Variants in GABRA2 observed in about 807,000 individuals in gnomAD.
The protein encoded by GABRA2 is gamma-aminobutyric acid receptor subunit alpha-2.
In GABRA2, 16 loss-of-function variants were observed where a neutral mutation model predicts 48.7. The observed-to-expected ratio is 0.33, with a 90% CI of 0.22 to 0.50. GABRA2 has a LOEUF of 0.50. Ranked by LOEUF, GABRA2 falls within the 20% of genes least tolerant of loss-of-function variation. GABRA2 has a pLI of 0.98. For missense variants in GABRA2, 275 were observed against 535.6 expected, an observed-to-expected ratio of 0.51 and a Z score of 4.80; for synonymous variants, 185 against 184.5, an observed-to-expected ratio of 1.00 and a Z score of -0.02.
chr4:46,382,892 G>A (rs1298580555), intron 3 of GABRA2, among the ~76,000 whole-genome samples: 1 of 152,096 alleles, frequency 6.6e-6, no homozygotes, highest in African/African-American at 2.4e-5. Flanking sequence ...AATAGCAATT[G>A]AGACTAATTA....
At chr4:46,372,805 G>A (rs911537918) in intron 3 of GABRA2, among the ~76,000 whole-genome samples, 1 of 151,338 alleles carries the variant, frequency 6.6e-6, no homozygotes, top group Non-Finnish European at 1.5e-5. Context: ...TCAGACAGAA[G>A]TATGTAAAGT....
intron 3 of GABRA2, among the ~76,000 whole-genome samples, chr4:46,347,587 T>G (rs1172343962): frequency 6.6e-6 from 1 of 151,912 alleles, no homozygotes; most frequent in Non-Finnish European, 1.5e-5. Context: ...GATACAAGAA[T>G]CCACCCACAA....
intron 3 of GABRA2, among the ~76,000 whole-genome samples, chr4:46,356,550 G>C (rs1736002862): frequency 6.6e-6 from 1 of 151,980 alleles, no homozygotes. Flanking sequence ...GCATAAATAA[G>C]TATGCCTTTG....
At chr4:46,386,652 G>A (rs1717499410) in intron 2 of GABRA2, 1 of 154,092 alleles carries the variant, frequency 6.5e-6, no homozygotes, top group Non-Finnish European at 1.4e-5. Context: ...TCTCTCATAA[G>A]TGTCTTTCTT....
intron 4 of GABRA2, among the ~76,000 whole-genome samples, chr4:46,327,672 A>G (rs1430708452): frequency 1.3e-5 from 2 of 152,030 alleles, no homozygotes; most frequent in African/African-American, 2.4e-5. Context: ...GATATTAACT[A>G]CTGAACTAAT....
At chr4:46,338,356 G>C (rs1335671160) in intron 3 of GABRA2, among the ~76,000 whole-genome samples, 1 of 151,830 alleles carries the variant, frequency 6.6e-6, no homozygotes, top group African/African-American at 2.4e-5. Context: ...ACATGCAATT[G>C]AGCCAGTAAA....
intron 3 of GABRA2, among the ~76,000 whole-genome samples, chr4:46,337,310 A>G (rs1732421556): frequency 6.6e-6 from 1 of 152,116 alleles, no homozygotes; most frequent in Admixed American, 6.6e-5. Context: ...AGAGCAAAGT[A>G]AATATCCGAG....
At chr4:46,278,061 G>A (rs1391289184) in intron 8 of GABRA2, among the ~76,000 whole-genome samples, 1 of 152,058 alleles carries the variant, frequency 6.6e-6, no homozygotes, top group Non-Finnish European at 1.5e-5. Context: ...AAGTAGTTTT[G>A]TATACAAATA....
intron 4 of GABRA2, among the ~76,000 whole-genome samples, chr4:46,319,669 G>A (rs1729124576): frequency 6.6e-6 from 1 of 151,766 alleles, no homozygotes; most frequent in Non-Finnish European, 1.5e-5. Flanking sequence ...TACAGTTGCA[G>A]AACAACATAG....
rs1164662742 is a variant in GABRA2 at position 46,245,548 on chromosome 4, C to A, written c.*4760G>T. On this transcript the variant is annotated 3_prime_UTR_variant, in exon 10 of 10. Coordinates refer to ENST00000381620, the MANE Select transcript of GABRA2 (RefSeq NM_000807.4). Reference sequence around the variant, plus strand: ...AATTAATAAGTTTGTTATGGATTTACTGAAAAATGTGTTCTAGTGTGCAAG... The same window carrying A: ...AATTAATAAGTTTGTTATGGATTTAATGAAAAATGTGTTCTAGTGTGCAAG... Among the ~76,000 whole-genome samples the A allele has an allele frequency of 1.3e-5, 2 of 151,252 alleles. No homozygotes were observed. Among genetic ancestry groups the A allele is most frequent in the Non-Finnish European group, 3.0e-5 (2 of 67,478 alleles).
At chr4:46,370,694 A>C (rs1464607664) in intron 3 of GABRA2, among the ~76,000 whole-genome samples, 1 of 152,100 alleles carries the variant, frequency 6.6e-6, no homozygotes, top group East Asian at 1.9e-4. Context: ...AATTTTGTAC[A>C]AACTTCTAGT....
chr4:46,286,328 T>C (rs2109499282), intron 8 of GABRA2, among the ~76,000 whole-genome samples: 1 of 152,258 alleles, frequency 6.6e-6, no homozygotes, highest in Admixed American at 6.5e-5. Context: ...AAGTATATAC[T>C]ATATTTTGTA....
chr4:46,388,641 A>C lies in GABRA2; in HGVS notation c.66T>G (p.Pro22=). 1 of 1,614,144 alleles carries C rather than the reference A, an allele frequency of 6.2e-7. No individual in the cohort carries two copies. The highest frequency in any genetic ancestry group is 8.5e-7 in the Non-Finnish European group (1 of 1,179,992). Reference sequence around the variant, plus strand: ...AAATACAATAAATATCTCACCTGGCAGGGTCCCACACCAAGAAAACAAAAA... The same window carrying C: ...AAATACAATAAATATCTCACCTGGCCGGGTCCCACACCAAGAAAACAAAAA... ...FLLFVFLVWD[P]ARLVLANIQE... is the part of the protein sequence containing the mutation. The change falls in exon 2 of 10, where the codon CCT becomes CCG. Residue 22 remains proline, a synonymous_variant. Coordinates refer to ENST00000381620, the MANE Select transcript of GABRA2 (RefSeq NM_000807.4).
At chr4:46,280,396 G>T (rs1047190161) in intron 8 of GABRA2, among the ~76,000 whole-genome samples, 10 of 152,138 alleles carry the variant, frequency 6.6e-5, no homozygotes, top group African/African-American at 2.4e-4. Flanking sequence ...ATAAAAGAAG[G>T]CCAGTGTGGA....
rs536753752 is a variant in GABRA2 at position 46,261,872 on chromosome 4, C to T, written c.1059+54G>A. On this transcript the variant is annotated intron_variant, in intron 9 of 9. Transcript: ENST00000381620. ...TTTTTAGAAACATATCTGTTACAAG[C>T]GGAATTCATTAGGGTATTTTCTTAA... is the stretch of plus-strand genomic sequence containing the variant. 4.7e-5 allele frequency: 64 copies of T among 1,371,710 alleles called. No homozygotes were observed. In the South Asian group the frequency reaches 5.2e-4, roughly 11 times the overall value. 85.0% of individuals were successfully genotyped at this position (1,371,710 alleles called of 1,614,324 possible).
chr4:46,317,196 A>C (rs1275751343), intron 4 of GABRA2, among the ~76,000 whole-genome samples: 5 of 151,884 alleles, frequency 3.3e-5, no homozygotes, highest in African/African-American at 1.2e-4. Context: ...AAGTCACATG[A>C]GTCTAATCTC....
chr4:46,348,351 G>T (rs1424032669), intron 3 of GABRA2, among the ~76,000 whole-genome samples: 1 of 152,018 alleles, frequency 6.6e-6, no homozygotes, highest in African/African-American at 2.4e-5. Flanking sequence ...TTCAACCATT[G>T]TGGAAGTCGG....
chr4:46,355,464 T>C (rs1341497448), intron 3 of GABRA2, among the ~76,000 whole-genome samples: 2 of 152,142 alleles, frequency 1.3e-5, no homozygotes, highest in Non-Finnish European at 2.9e-5. Context: ...ATGCTCCATT[T>C]TTTCCCCCAG....
intron 3 of GABRA2, among the ~76,000 whole-genome samples, chr4:46,378,039 G>T (rs1298724537): frequency 1.8e-5 from 2 of 108,306 alleles, no homozygotes. Context: ...GAGGTGGGGG[G>T]TTCAGCCCCC....
Sources: gnomAD v4.1 joint callset for allele counts (sites outside exome capture counted in the v4.1 genomes callset) on GRCh38, gnomAD v4.1.1 for gene constraint, MANE v1.5 for transcripts, NCBI Gene and HGNC (gene_info 2026-07-23, HGNC 2026-07-21) for gene names.